Variants in STAM observed in about 807,000 individuals in gnomAD.
STAM encodes signal transducing adapter molecule 1.
STAM carries 16 observed loss-of-function variants against 63.4 expected under a neutral mutation model. The observed-to-expected ratio is 0.25, with a 90% CI of 0.17 to 0.38. The LOEUF (loss-of-function observed/expected upper bound fraction) is 0.38. STAM is among the 10% of genes least tolerant of loss of function. STAM has a pLI of 1.00. For missense variants in STAM, 636 were observed against 657.1 expected, an observed-to-expected ratio of 0.97 and a Z score of 0.35; for synonymous variants, 238 against 223.9, an observed-to-expected ratio of 1.06 and a Z score of -0.56.
Position 17,650,624 on chromosome 10 carries a change from T to C in STAM, c.40+6245T>C, listed in dbSNP as rs180727835. Among the ~76,000 whole-genome samples the C allele has an allele frequency of 1.4e-4, 21 of 152,306 alleles. 1 individual carries two copies. The East Asian group carries it at 4.1e-3, about 29-fold the overall frequency. The stretch of plus-strand genomic sequence containing the variant: ...CTGGTACCGAATATGCCCTCAAGGA[T>C]TCCAGGTTTAGATCACCACTCTCTC... On this transcript the variant is annotated intron_variant, in intron 1 of 13. Transcript: ENST00000377524.
chr10:17,648,556 C>T (rs1274921922), intron 1 of STAM, among the ~76,000 whole-genome samples: 2 of 152,190 alleles, frequency 1.3e-5, no homozygotes, highest in African/African-American at 4.8e-5. Flanking sequence ...ACACTCACCA[C>T]AAAGGTCCGT....
intron 2 of STAM, among the ~76,000 whole-genome samples, chr10:17,679,917 GT>G (rs2131621264): frequency 6.6e-6 from 1 of 151,892 alleles, no homozygotes; most frequent in African/African-American, 2.4e-5. Flanking sequence ...TTTCAGTGAG[GT>G]TGAGAGTAAT....
intron 2 of STAM, among the ~76,000 whole-genome samples, chr10:17,667,315 G>A (rs1276017734): frequency 2.0e-5 from 3 of 152,148 alleles, no homozygotes; most frequent in Admixed American, 6.5e-5. Context: ...AGTAGACATG[G>A]GGTTTCAACG....
intron 1 of STAM, among the ~76,000 whole-genome samples, chr10:17,659,987 T>C (rs1834097446): frequency 6.6e-6 from 1 of 152,154 alleles, no homozygotes; most frequent in African/African-American, 2.4e-5. Flanking sequence ...TACGTTTTTA[T>C]TTAAGGAAAT....
chr10:17,688,527 A>G, intron 5 of STAM, among the ~76,000 whole-genome samples: 1 of 152,116 alleles, frequency 6.6e-6, no homozygotes, highest in East Asian at 1.9e-4. Context: ...CAGTAGCGTG[A>G]TCTCGGCTCA....
At chr10:17,713,003 C>T (rs1836627321) in intron 13 of STAM, among the ~76,000 whole-genome samples, 1 of 152,112 alleles carries the variant, frequency 6.6e-6, no homozygotes, top group Non-Finnish European at 1.5e-5. Context: ...TTCCACTAGT[C>T]CTTTGGGACC....
intron 2 of STAM, chr10:17,672,875 T>C (rs1191448282): frequency 5.5e-6 from 1 of 181,148 alleles, no homozygotes; most frequent in Non-Finnish European, 1.0e-5. Context: ...GATAAGTAGG[T>C]ATTTTTAGGT....
chr10:17,662,942 T>C (rs1388956191), intron 2 of STAM, among the ~76,000 whole-genome samples: 2 of 152,202 alleles, frequency 1.3e-5, no homozygotes, highest in African/African-American at 4.8e-5. Flanking sequence ...TTATCTAGCA[T>C]TGCAGCTGCA....
In STAM at chr10:17,691,511, C is replaced by CAAAT. The variant is rs1554826786; in HGVS notation, c.445-1690_445-1687dup. Among the ~76,000 whole-genome samples, 232 of 151,984 alleles carry CAAAT rather than the reference C, an allele frequency of 1.5e-3. 1 individual carries two copies. The highest frequency in any genetic ancestry group is 4.7e-3 in the African/African-American group (195 of 41,428). On this transcript the variant is annotated intron_variant, in intron 5 of 13. Coordinates refer to ENST00000377524, the MANE Select transcript of STAM (RefSeq NM_003473.4). ...CCAGCCTGGGCGACAGAGCGAGACT[C>CAAAT]AAATAAATAAATAAATAAATAAATG...
intron 1 of STAM, among the ~76,000 whole-genome samples, chr10:17,653,408 A>G (rs1833816741): frequency 6.6e-6 from 1 of 152,256 alleles, no homozygotes; most frequent in Admixed American, 6.5e-5. Context: ...AAAACTCTGA[A>G]CACTGAAGCT....
intron 4 of STAM, among the ~76,000 whole-genome samples, chr10:17,687,092 T>A (rs1554826165): frequency 6.6e-6 from 1 of 152,200 alleles, no homozygotes; most frequent in African/African-American, 2.4e-5. Context: ...CTCACTACAT[T>A]TATCTCTTTC....
intron 13 of STAM, among the ~76,000 whole-genome samples, 199 bp downstream of exon 13, chr10:17,709,150 G>A (rs912754919): frequency 6.6e-5 from 10 of 152,056 alleles, no homozygotes; most frequent in East Asian, 1.9e-4. Context: ...CTCCCGACTC[G>A]CTCAACTCAT....
At chr10:17,680,447 T>G (rs547526440) in intron 2 of STAM, among the ~76,000 whole-genome samples, 2 of 151,254 alleles carry the variant, frequency 1.3e-5, no homozygotes, top group Non-Finnish European at 2.9e-5. Flanking sequence ...TTTGGAGATA[T>G]GGTCTTACTC....
chr10:17,687,880 A>T, intron 4 of STAM, 147 bp from the exon 5 acceptor site: 1 of 549,728 alleles, frequency 1.8e-6, no homozygotes, highest in Non-Finnish European at 2.8e-6. Context: ...CATTAGTTTT[A>T]TTTCGAATAA....
At chr10:17,684,040 A>G (rs960992293) in intron 2 of STAM, among the ~76,000 whole-genome samples, 2 of 152,180 alleles carry the variant, frequency 1.3e-5, no homozygotes, top group South Asian at 2.1e-4. Flanking sequence ...TGGATTTTCA[A>G]TAGATGCTTC....
chr10:17,660,688 C>A, intron 2 of STAM, 140 bp downstream of exon 2: 1 of 546,342 alleles, frequency 1.8e-6, no homozygotes. Context: ...GAGTTAGAGG[C>A]TGCAGTGTGT....
Position 17,684,919 on chromosome 10 carries a change from T to C in STAM, c.289T>C (p.Leu97=). The part of the protein sequence containing the change: ...RDFASEVSNV[L]NKGHPKVCEK... ...TTTTGCTAGTGAAGTAAGCAACGTA[T>C]TAAATAAGGTAAGGAGCATTATTTC... Residue 97 remains leucine (L), a synonymous_variant, in exon 4 of 14, where the codon TTA becomes CTA. Coordinates refer to ENST00000377524, the MANE Select transcript of STAM (RefSeq NM_003473.4). 1 of 1,612,094 alleles carries C rather than the reference T, an allele frequency of 6.2e-7. No homozygotes were observed. The highest frequency in any genetic ancestry group is 8.5e-7 in the Non-Finnish European group (1 of 1,178,558).
intron 2 of STAM, among the ~76,000 whole-genome samples, chr10:17,669,835 C>CT (rs1554823847): frequency 1.3e-5 from 2 of 150,246 alleles, no homozygotes; most frequent in Admixed American, 1.3e-4. Flanking sequence ...GTAGCTGGGA[C>CT]TACAGGCACC....
intron 2 of STAM, among the ~76,000 whole-genome samples, chr10:17,667,964 A>G (rs1200630373): frequency 2.6e-5 from 4 of 152,176 alleles, no homozygotes; most frequent in Non-Finnish European, 5.9e-5. Flanking sequence ...ATAGAAGATG[A>G]TGGTTGGAAG....
Sources: gnomAD v4.1 joint callset for allele counts (sites outside exome capture counted in the v4.1 genomes callset) on GRCh38, gnomAD v4.1.1 for gene constraint, MANE v1.5 for transcripts, NCBI Gene and HGNC (gene_info 2026-07-23, HGNC 2026-07-21) for gene names.